The following TTC1 variants were observed in gnomAD, a reference collection of about 807,000 sequenced individuals.
TTC1 encodes the protein tetratricopeptide repeat protein 1.
A neutral mutation model predicts 37.6 loss-of-function variants in TTC1; 31 were observed. That is an observed-to-expected ratio of 0.82 (90% CI 0.62 to 1.11). The LOEUF (loss-of-function observed/expected upper bound fraction) is 1.11, where lower values mean the gene tolerates loss of function less well. Ranked by LOEUF, TTC1 falls within the 50% of genes most tolerant of loss-of-function variation. TTC1 has a pLI of 0.00. For synonymous variants in TTC1, 127 were observed against 122.4 expected (o/e 1.04, Z -0.25); for missense variants, 351 against 339.0 (o/e 1.04, Z -0.28).
chr5:160,063,293 G>C (rs547044115), intron 7 of TTC1, among the ~76,000 whole-genome samples: 1 of 152,232 alleles, frequency 6.6e-6, no homozygotes, highest in Non-Finnish European at 1.5e-5. Flanking sequence ...ATGGCTCACT[G>C]CAGCCCTGAA....
At chr5:160,017,058 G>A (rs1481849060) in intron 2 of TTC1, among the ~76,000 whole-genome samples, 1 of 152,206 alleles carries the variant, frequency 6.6e-6, no homozygotes, top group Non-Finnish European at 1.5e-5. Flanking sequence ...AAGCTTAAAT[G>A]TAGATATAAC....
At position 160,028,510 on chromosome 5, in the gene TTC1, G is replaced by T. The variant is rs535632535; in HGVS notation, c.331-6630G>T. Among the ~76,000 whole-genome samples the T allele has an allele frequency of 2.6e-5, 4 of 152,022 alleles. No homozygotes were observed. The South Asian group carries it at 8.3e-4, about 32-fold the overall frequency. ...CTTTTTATTTTTATTTTGAAGCAAG[G>T]TCGCACTCTGTCACCTAGGCTATAG... On this transcript the variant is annotated intron_variant, in intron 2 of 7. Coordinates refer to ENST00000231238, the MANE Select transcript of TTC1 (RefSeq NM_003314.3).
At chr5:160,034,996 T>C (rs1756978300) in intron 2 of TTC1, 144 bp from the exon 3 acceptor site, 2 of 543,194 alleles carry the variant, frequency 3.7e-6, no homozygotes, top group South Asian at 5.3e-5. Flanking sequence ...CCTCTATCAC[T>C]GTACAAGGTT....
At chr5:160,064,692 C>T (rs1304421982) in intron 7 of TTC1, among the ~76,000 whole-genome samples, 2 of 152,166 alleles carry the variant, frequency 1.3e-5, no homozygotes, top group Non-Finnish European at 2.9e-5. Context: ...CAGCAGGACT[C>T]CACTCTCATC....
chr5:160,022,766 ATCT>A (rs1200874180), intron 2 of TTC1, among the ~76,000 whole-genome samples: 2 of 152,220 alleles, frequency 1.3e-5, no homozygotes, highest in African/African-American at 2.4e-5. Context: ...TTTATAGAAT[ATCT>A]TCTTTATGTA....
chr5:160,060,264 C>G (rs1561641664), intron 7 of TTC1, among the ~76,000 whole-genome samples: 1 of 152,234 alleles, frequency 6.6e-6, no homozygotes, highest in East Asian at 1.9e-4. Flanking sequence ...TCAGGGTAAA[C>G]TGCCTGATGC....
intron 2 of TTC1, among the ~76,000 whole-genome samples, chr5:160,032,641 C>CTT (rs1756930330): frequency 7.0e-6 from 1 of 143,306 alleles, no homozygotes; most frequent in African/African-American, 2.6e-5. Flanking sequence ...CCTGGCAAGT[C>CTT]TTTCACTAAA....
intron 7 of TTC1, among the ~76,000 whole-genome samples, chr5:160,062,815 T>A (rs573061135): frequency 1.3e-4 from 20 of 152,208 alleles, no homozygotes; most frequent in African/African-American, 4.8e-4. Context: ...TGGTTTTTTT[T>A]TTCCCCCTTC....
intron 7 of TTC1, among the ~76,000 whole-genome samples, chr5:160,063,899 C>T (rs1168538625): frequency 5.3e-5 from 8 of 152,026 alleles, no homozygotes; most frequent in African/African-American, 1.9e-4. Context: ...GCCTCAGCTT[C>T]CCAAAGTGCT....
At chr5:160,038,086 G>GTT (rs1031610190) in intron 4 of TTC1, among the ~76,000 whole-genome samples, 4 of 144,784 alleles carry the variant, frequency 2.8e-5, no homozygotes, top group Non-Finnish European at 3.0e-5. Flanking sequence ...AAAGGTTACG[G>GTT]TTTTTTTTTT....
intron 4 of TTC1, among the ~76,000 whole-genome samples, chr5:160,038,080 G>T (rs1392457565): frequency 6.6e-6 from 1 of 151,384 alleles, no homozygotes; most frequent in Non-Finnish European, 1.5e-5. Context: ...ATGCAGAAAG[G>T]TTACGGTTTT....
intron 4 of TTC1, among the ~76,000 whole-genome samples, chr5:160,039,755 T>A (rs1757055357): frequency 6.6e-6 from 1 of 152,208 alleles, no homozygotes; most frequent in South Asian, 2.1e-4. Flanking sequence ...AGAAATGTGA[T>A]AAGTTGAAAA....
chr5:160,026,692 G>A (rs1756812412), intron 2 of TTC1, among the ~76,000 whole-genome samples: 1 of 152,046 alleles, frequency 6.6e-6, no homozygotes, highest in South Asian at 2.1e-4. Context: ...GTCTTTGAAT[G>A]TAAAGTATGC....
chr5:160,063,859 C>T (rs1433271959), intron 7 of TTC1, among the ~76,000 whole-genome samples: 1 of 151,780 alleles, frequency 6.6e-6, no homozygotes, highest in Non-Finnish European at 1.5e-5. Flanking sequence ...TCGGGCTGGT[C>T]TTGAACTCCT....
intron 5 of TTC1, among the ~76,000 whole-genome samples, chr5:160,045,084 G>C (rs1290919389): frequency 6.6e-6 from 1 of 152,144 alleles, no homozygotes; most frequent in Non-Finnish European, 1.5e-5. Flanking sequence ...GAGGATGTGT[G>C]GGTTTGGGAA....
At chr5:160,041,682 T>C (rs1757097499) in intron 4 of TTC1, among the ~76,000 whole-genome samples, 1 of 152,056 alleles carries the variant, frequency 6.6e-6, no homozygotes, top group Non-Finnish European at 1.5e-5. Flanking sequence ...AACACCTGAG[T>C]AGTAGGTTAT....
chr5:160,022,073 TGA>T (rs1404916158), intron 2 of TTC1, among the ~76,000 whole-genome samples: 2 of 152,118 alleles, frequency 1.3e-5, no homozygotes, highest in Non-Finnish European at 2.9e-5. Context: ...CTTGCCGGAG[TGA>T]GAGTCTTGGT....
At chr5:160,050,036 A>G (rs934733575) in intron 6 of TTC1, among the ~76,000 whole-genome samples, 2 of 150,962 alleles carry the variant, frequency 1.3e-5, no homozygotes, top group African/African-American at 4.9e-5. Context: ...TCATGCCACT[A>G]CACTGCAGCC....
intron 2 of TTC1, among the ~76,000 whole-genome samples, chr5:160,025,971 A>C (rs1414636971): frequency 6.6e-6 from 1 of 152,230 alleles, no homozygotes; most frequent in African/African-American, 2.4e-5. Context: ...TAAGGATTAA[A>C]TGATTAGCAG....
Sources: allele counts gnomAD v4.1 joint callset (sites outside exome capture counted in the v4.1 genomes callset), GRCh38; gene constraint gnomAD v4.1.1; transcripts MANE v1.5; gene names NCBI Gene and HGNC (gene_info 2026-07-23, HGNC 2026-07-21).